FAM13A: variants seen among roughly 807,000 people sequenced by gnomAD.
The protein encoded by FAM13A is family with sequence similarity 13 member A.
Under a neutral mutation model 129.6 loss-of-function variants are expected in FAM13A, and 76 were observed. That is an observed-to-expected ratio of 0.59 (90% CI 0.49 to 0.71). FAM13A has a LOEUF of 0.71. Among genes scored for constraint, FAM13A ranks in the 30% least tolerant of loss-of-function variants. The probability of loss-of-function intolerance (pLI) is 0.00; values close to 1 mark genes in which losing one functional copy is unlikely to be tolerated. For synonymous variants in FAM13A, 443 were observed against 449.9 expected, an observed-to-expected ratio of 0.98 and a Z score of 0.20; for missense variants, 1,108 against 1,249.3, an observed-to-expected ratio of 0.89 and a Z score of 1.70.
intron 6 of FAM13A, among the ~76,000 whole-genome samples, chr4:88,868,955 A>G (rs1740902128): frequency 6.6e-6 from 1 of 152,202 alleles, no homozygotes; most frequent in Non-Finnish European, 1.5e-5. Flanking sequence ...TTCCAAATGT[A>G]TATTCAATCA....
chr4:88,941,878 C>T (rs1176482977), intron 4 of FAM13A, among the ~76,000 whole-genome samples: 2 of 152,166 alleles, frequency 1.3e-5, no homozygotes, highest in South Asian at 2.1e-4. Flanking sequence ...AAAAAAGATG[C>T]AGTTTTTAAG....
intron 5 of FAM13A, among the ~76,000 whole-genome samples, chr4:88,919,532 T>C (rs907973184): frequency 6.6e-6 from 1 of 152,118 alleles, no homozygotes; most frequent in Non-Finnish European, 1.5e-5. Flanking sequence ...AATGTATGAG[T>C]TGATTCACAA....
At chr4:88,865,579 T>G (rs1472367515) in intron 6 of FAM13A, among the ~76,000 whole-genome samples, 1 of 152,206 alleles carries the variant, frequency 6.6e-6, no homozygotes, top group African/African-American at 2.4e-5. Flanking sequence ...ACTCAGATGT[T>G]TACATCAATC....
In FAM13A at chr4:88,987,348, C is replaced by T. The variant is rs552908385; in HGVS notation, c.605+3625G>A. Among the ~76,000 whole-genome samples the T allele has an allele frequency of 6.6e-5, 10 of 152,302 alleles. No individual in the cohort carries two copies. The South Asian group carries it at 2.1e-3, about 32-fold the overall frequency. On this transcript the variant is annotated intron_variant, in intron 4 of 23. Coordinates refer to ENST00000264344, the MANE Select transcript of FAM13A (RefSeq NM_014883.4). ...CTGATAGTGAATAGGGAGGAATACA[C>T]ATTTGCATGATGCCCAAGTAGTCAC...
chr4:88,787,059 CTA>C (rs1325553893), intron 10 of FAM13A, among the ~76,000 whole-genome samples: 1 of 151,722 alleles, frequency 6.6e-6, no homozygotes, highest in African/African-American at 2.4e-5. Flanking sequence ...AGTCTATTCT[CTA>C]TATAAATTTA....
chr4:88,843,033 A>G (rs1736079254), intron 7 of FAM13A, among the ~76,000 whole-genome samples: 1 of 152,264 alleles, frequency 6.6e-6, no homozygotes, highest in African/African-American at 2.4e-5. Flanking sequence ...GAAATAGTTT[A>G]TCTAAGGCCT....
intron 2 of FAM13A, among the ~76,000 whole-genome samples, chr4:89,029,151 A>G (rs1278661521): frequency 6.6e-6 from 1 of 152,246 alleles, no homozygotes; most frequent in East Asian, 1.9e-4. Flanking sequence ...TTGGAATTTA[A>G]TTAATCTAGT....
chr4:88,737,812 C>A (rs554160047), intron 20 of FAM13A, among the ~76,000 whole-genome samples: 1 of 152,258 alleles, frequency 6.6e-6, no homozygotes, highest in Admixed American at 6.5e-5. Context: ...CCGGCAGACA[C>A]GCAGAAGAAA....
At chr4:88,871,166 T>C (rs185928976) in intron 6 of FAM13A, among the ~76,000 whole-genome samples, 19 of 152,178 alleles carry the variant, frequency 1.2e-4, no homozygotes, top group African/African-American at 3.6e-4. Context: ...AGACCAAAGG[T>C]AGATAAAACC....
At chr4:88,987,051 G>A (rs898255392) in intron 4 of FAM13A, among the ~76,000 whole-genome samples, 1 of 152,126 alleles carries the variant, frequency 6.6e-6, no homozygotes, top group African/African-American at 2.4e-5. Flanking sequence ...ATCATCTTTA[G>A]CTGAAAAGGT....
In FAM13A at chr4:88,872,802, A is replaced by G. The variant is rs185713050; in HGVS notation, c.844-21619T>C. Among the ~76,000 whole-genome samples the G allele has an allele frequency of 8.1e-4, 123 of 152,336 alleles. 1 individual carries two copies. Among genetic ancestry groups the G allele is most frequent in the Non-Finnish European group, 1.6e-3 (107 of 68,028 alleles). The stretch of plus-strand genomic sequence containing the variant: ...AGCTTAGCAGACCTAATAGACATCT[A>G]CAGAACTCTCCACCTCAAATCAACA... On this transcript the variant is annotated intron_variant, in intron 6 of 23. Coordinates refer to ENST00000264344, the MANE Select transcript of FAM13A (RefSeq NM_014883.4).
At chr4:89,050,038 C>CA (rs1389176246) in intron 1 of FAM13A, among the ~76,000 whole-genome samples, 1 of 152,116 alleles carries the variant, frequency 6.6e-6, no homozygotes, top group Non-Finnish European at 1.5e-5. Context: ...CTGAGAAAGA[C>CA]AAATAGTACA....
chr4:88,739,342 T>TA (rs1439092451), intron 19 of FAM13A, among the ~76,000 whole-genome samples: 1 of 152,172 alleles, frequency 6.6e-6, no homozygotes, highest in Non-Finnish European at 1.5e-5. Flanking sequence ...GTCACTCCAC[T>TA]GGTAGTACTG....
chr4:88,800,592 G>A (rs918352297), intron 8 of FAM13A, among the ~76,000 whole-genome samples: 1 of 151,072 alleles, frequency 6.6e-6, no homozygotes, highest in African/African-American at 2.4e-5. Flanking sequence ...GGCTGAGGCA[G>A]GAGAATCACT....
chr4:88,761,596 C>T (rs1744826560), intron 13 of FAM13A, among the ~76,000 whole-genome samples: 1 of 151,952 alleles, frequency 6.6e-6, no homozygotes, highest in Non-Finnish European at 1.5e-5. Context: ...GGCATGAGAG[C>T]GTGGCATGCT....
At chr4:88,951,478 A>G (rs995035539) in intron 4 of FAM13A, among the ~76,000 whole-genome samples, 2 of 152,230 alleles carry the variant, frequency 1.3e-5, no homozygotes, top group African/African-American at 4.8e-5. Context: ...AAAAGAGAAT[A>G]TAAGTCTCAG....
intron 19 of FAM13A, among the ~76,000 whole-genome samples, chr4:88,741,177 C>A (rs1297984506): frequency 1.3e-5 from 2 of 152,180 alleles, no homozygotes; most frequent in African/African-American, 2.4e-5. Context: ...GCCTTAAGTT[C>A]ATCAAAAGAC....
intron 11 of FAM13A, 84 bp from the exon 12 acceptor site, chr4:88,768,143 T>C: frequency 1.4e-6 from 1 of 713,516 alleles, no homozygotes; most frequent in Non-Finnish European, 2.5e-6. Context: ...AATAGAAAAA[T>C]CAAATAATAT....
intron 3 of FAM13A, among the ~76,000 whole-genome samples, chr4:89,011,162 A>T (rs1765679764): frequency 6.6e-6 from 1 of 151,978 alleles, no homozygotes; most frequent in South Asian, 2.1e-4. Context: ...TCATTATCTT[A>T]ATAATTACCA....
Sources: gnomAD v4.1 joint callset for allele counts (sites outside exome capture counted in the v4.1 genomes callset) on GRCh38, gnomAD v4.1.1 for gene constraint, MANE v1.5 for transcripts, NCBI Gene and HGNC (gene_info 2026-07-23, HGNC 2026-07-21) for gene names.